SYT1: variants seen among roughly 807,000 people sequenced by gnomAD.
SYT1 encodes the protein synaptotagmin-1.
A neutral mutation model predicts 44.8 loss-of-function variants in SYT1; 8 were observed. The observed-to-expected ratio is 0.18, with a 90% CI of 0.10 to 0.32. SYT1 has a LOEUF of 0.32. SYT1 is among the 10% of genes least tolerant of loss of function. The pLI is 1.00. For missense variants in SYT1, 286 were observed against 509.3 expected (o/e 0.56, Z 4.22); for synonymous variants, 154 against 188.8 (o/e 0.82, Z 1.51).
At chr12:79,008,814 C>T (rs891681332) in intron 2 of SYT1, among the ~76,000 whole-genome samples, 1 of 152,054 alleles carries the variant, frequency 6.6e-6, no homozygotes, top group Non-Finnish European at 1.5e-5. Context: ...TGGACAAGTG[C>T]CCCCATGTCT....
At chr12:79,143,048 T>C (rs1346199223) in intron 3 of SYT1, among the ~76,000 whole-genome samples, 2 of 152,142 alleles carry the variant, frequency 1.3e-5, no homozygotes, top group Admixed American at 6.5e-5. Context: ...GGGTCTATGA[T>C]TCTAAGAAAA....
intron 1 of SYT1, among the ~76,000 whole-genome samples, chr12:78,874,288 G>A (rs1186075025): frequency 6.6e-6 from 1 of 151,594 alleles, no homozygotes; most frequent in Non-Finnish European, 1.5e-5. Flanking sequence ...ATCATAGGTA[G>A]TCACACAATC....
chr12:79,274,389 C>T (rs2138782901), intron 4 of SYT1, among the ~76,000 whole-genome samples: 1 of 152,330 alleles, frequency 6.6e-6, no homozygotes. Flanking sequence ...GTGAGACACA[C>T]CATGTCAGGG....
intron 4 of SYT1, among the ~76,000 whole-genome samples, chr12:79,244,597 A>G (rs749237646): frequency 4.0e-5 from 6 of 151,794 alleles, no homozygotes; most frequent in Non-Finnish European, 7.4e-5. Flanking sequence ...CCAGCTACTC[A>G]GGAGGCTGAG....
At chr12:79,161,013 G>T (rs1259646868) in intron 3 of SYT1, among the ~76,000 whole-genome samples, 2 of 152,016 alleles carry the variant, frequency 1.3e-5, no homozygotes, top group African/African-American at 2.4e-5. Context: ...CAGGTGGATC[G>T]TTTGAGCCCA....
intron 3 of SYT1, among the ~76,000 whole-genome samples, chr12:79,199,860 A>G (rs1873676217): frequency 6.6e-6 from 1 of 152,166 alleles, no homozygotes; most frequent in Non-Finnish European, 1.5e-5. Context: ...TGATTGATGA[A>G]ATAGATACAT....
chr12:79,345,303 C>A (rs898034160), intron 8 of SYT1, among the ~76,000 whole-genome samples: 1 of 149,986 alleles, frequency 6.7e-6, no homozygotes, highest in African/African-American at 2.5e-5. Context: ...GAATAAATCT[C>A]TAAAGTCCCC....
intron 8 of SYT1, among the ~76,000 whole-genome samples, chr12:79,326,111 G>T (rs552966830): frequency 2.0e-5 from 3 of 152,084 alleles, no homozygotes; most frequent in Non-Finnish European, 4.4e-5. Flanking sequence ...TTCACAGGAC[G>T]ACTGTGAATT....
At chr12:79,273,880 T>G (rs1878567600) in intron 4 of SYT1, among the ~76,000 whole-genome samples, 1 of 152,180 alleles carries the variant, frequency 6.6e-6, no homozygotes, top group Admixed American at 6.5e-5. Context: ...GGTCAAGAGA[T>G]GGAGACCATC....
chr12:78,887,093 A>G (rs909348184), intron 1 of SYT1, among the ~76,000 whole-genome samples: 1 of 152,032 alleles, frequency 6.6e-6, no homozygotes, highest in African/African-American at 2.4e-5. Flanking sequence ...ATGGCCAACC[A>G]TGGTCTGAAA....
intron 4 of SYT1, among the ~76,000 whole-genome samples, chr12:79,254,650 G>C (rs980673567): frequency 6.6e-6 from 1 of 152,166 alleles, no homozygotes; most frequent in Admixed American, 6.5e-5. Flanking sequence ...AAAGTAAACT[G>C]AAAATCTTCT....
chr12:79,058,454 C>T (rs1239749195), intron 3 of SYT1, among the ~76,000 whole-genome samples: 3 of 152,136 alleles, frequency 2.0e-5, no homozygotes, highest in African/African-American at 4.8e-5. Flanking sequence ...TGTTTTCTTC[C>T]TGAGGTAATG....
chr12:79,347,748 T>C (rs1882673295), intron 8 of SYT1, among the ~76,000 whole-genome samples: 1 of 152,178 alleles, frequency 6.6e-6, no homozygotes, highest in African/African-American at 2.4e-5. Flanking sequence ...TTTTCTCTTA[T>C]GGATCTGATA....
At chr12:79,166,979 A>G (rs1300456474) in intron 3 of SYT1, among the ~76,000 whole-genome samples, 1 of 152,114 alleles carries the variant, frequency 6.6e-6, no homozygotes, top group Non-Finnish European at 1.5e-5. Context: ...AATGAGATCT[A>G]TAATGAAAGT....
intron 3 of SYT1, among the ~76,000 whole-genome samples, chr12:79,119,496 A>G (rs1293542725): frequency 2.0e-5 from 3 of 151,680 alleles, no homozygotes; most frequent in African/African-American, 7.3e-5. Flanking sequence ...TTTTAGTCAT[A>G]ACTTTTCTTC....
At chr12:79,175,152 C>T (rs1405035645) in intron 3 of SYT1, among the ~76,000 whole-genome samples, 2 of 151,896 alleles carry the variant, frequency 1.3e-5, no homozygotes, top group African/African-American at 2.4e-5. Context: ...AAAATTAATG[C>T]AATAAGGAAC....
At chr12:79,036,666 A>G (rs928351268) in intron 2 of SYT1, 1 of 151,794 alleles carries the variant, frequency 6.6e-6, no homozygotes, top group Non-Finnish European at 1.5e-5. Context: ...AAAACCATAA[A>G]TTACCTTTGG....
At chr12:79,011,315 C>G (rs955597896) in intron 2 of SYT1, among the ~76,000 whole-genome samples, 1 of 152,016 alleles carries the variant, frequency 6.6e-6, no homozygotes, top group East Asian at 1.9e-4. Context: ...AGTTTACATA[C>G]CAGCTTAGAA....
At chr12:79,032,865 G>A (rs552741724) in intron 2 of SYT1, among the ~76,000 whole-genome samples, 1 of 151,278 alleles carries the variant, frequency 6.6e-6, no homozygotes, top group East Asian at 1.9e-4. Context: ...ATACCACAAT[G>A]ATGACATTGA....
Sources: gnomAD v4.1 joint callset for allele counts (sites outside exome capture counted in the v4.1 genomes callset) on GRCh38, gnomAD v4.1.1 for gene constraint, MANE v1.5 for transcripts, NCBI Gene and HGNC (gene_info 2026-07-23, HGNC 2026-07-21) for gene names.